Variants in PIEZO2 observed in about 807,000 individuals in gnomAD.
PIEZO2 encodes the protein piezo type mechanosensitive ion channel component 2.
In PIEZO2, 172 loss-of-function variants were observed where a neutral mutation model predicts 337.3. The ratio of observed to expected loss-of-function variants is 0.51; its 90% CI spans 0.45 to 0.58. The LOEUF is 0.58. Among genes scored for constraint, PIEZO2 ranks in the 20% least tolerant of loss-of-function variants. The probability of loss-of-function intolerance (pLI) is 0.00; values close to 1 mark genes in which losing one functional copy is unlikely to be tolerated. For synonymous variants in PIEZO2, 1,251 were observed against 1,228.5 expected (o/e 1.02, Z -0.38); for missense variants, 3,028 against 3,391.3 (o/e 0.89, Z 2.66).
At chr18:10,919,028 C>T (rs1459170981) in intron 3 of PIEZO2, among the ~76,000 whole-genome samples, 6 of 151,914 alleles carry the variant, frequency 3.9e-5, no homozygotes, top group African/African-American at 1.2e-4. Flanking sequence ...CAAATTTATT[C>T]AAATATATGT....
In PIEZO2 at chr18:10,872,747, T is replaced by C. The variant is rs535464792; in HGVS notation, c.330-1332A>G. On this transcript the variant is annotated intron_variant, in intron 4 of 55. Coordinates refer to ENST00000674853, the MANE Select transcript of PIEZO2 (RefSeq NM_001378183.1). This position sits in a 1 kb window ranked among gnomAD's most constrained non-coding sequence, Gnocchi z 4.3. Reference sequence around the variant, plus strand: ...GAGCGATTCCCGGCATGTTCTCTGCTCACTCATATAATATAAAATAAGCTG... The same window carrying C: ...GAGCGATTCCCGGCATGTTCTCTGCCCACTCATATAATATAAAATAAGCTG... Among the ~76,000 whole-genome samples the C allele has an allele frequency of 2.8e-4, 43 of 152,312 alleles. No homozygotes were observed. The highest frequency in any genetic ancestry group is 1.0e-3 in the African/African-American group (43 of 41,578).
chr18:10,836,974 AAGGGCCACTG>A (rs2041034895), intron 7 of PIEZO2, among the ~76,000 whole-genome samples: 1 of 152,204 alleles, frequency 6.6e-6, no homozygotes, highest in African/African-American at 2.4e-5. Flanking sequence ...AAGGAAGGGG[AAGGGCCACTG>A]AGGATACTCA....
At chr18:10,825,771 G>A (rs186328978) in intron 7 of PIEZO2, among the ~76,000 whole-genome samples, 5 of 151,684 alleles carry the variant, frequency 3.3e-5, no homozygotes, top group African/African-American at 4.8e-5. Flanking sequence ...GGCTAGTCTC[G>A]AACTCCCGAC....
intron 3 of PIEZO2, among the ~76,000 whole-genome samples, chr18:10,916,333 CA>C (rs923371999): frequency 4.6e-5 from 7 of 152,142 alleles, no homozygotes; most frequent in African/African-American, 1.7e-4. Context: ...AGCCGCCTAG[CA>C]GGGGGCGGCG....
rs1340184958 is a variant in PIEZO2, at chr18:11,094,339, A to G, written c.65-28117T>C. On this transcript the variant is annotated intron_variant, in intron 1 of 55. Coordinates refer to ENST00000674853, the MANE Select transcript of PIEZO2 (RefSeq NM_001378183.1). The surrounding 1 kb of genome is among the most constrained non-coding windows in gnomAD (Gnocchi z 4.4). ...AAGCTGAGGCGAAGTGATTTTCTCA[A>G]TGTCACACAGAGAAAAAGTAGTTTC... is the stretch of plus-strand genomic sequence containing the variant. Among the ~76,000 whole-genome samples the G allele has an allele frequency of 2.0e-5, 3 of 152,176 alleles. No individual in the cohort carries two copies. Among genetic ancestry groups the G allele is most frequent in the African/African-American group, 2.4e-5 (1 of 41,434 alleles).
Position 11,104,800 on chromosome 18 carries a change from C to T in PIEZO2, c.65-38578G>A, listed in dbSNP as rs1393872916. ...ATGCAGTATAACGGCGCCTGCTTCTCTTGGGGACCACTCTCCTCCATCATG... is the reference window on the plus strand; with the variant it reads ...ATGCAGTATAACGGCGCCTGCTTCTTTTGGGGACCACTCTCCTCCATCATG... On this transcript the variant is annotated intron_variant, in intron 1 of 55. Transcript: ENST00000674853. The surrounding 1 kb of genome is among the most constrained non-coding windows in gnomAD (Gnocchi z 4.6). Among the ~76,000 whole-genome samples the T allele has an allele frequency of 6.6e-6, 1 of 152,186 alleles. No homozygotes were observed. The highest frequency in any genetic ancestry group is 6.5e-5 in the Admixed American group (1 of 15,286).
chr18:10,933,704 A>G (rs1244642018), intron 3 of PIEZO2, among the ~76,000 whole-genome samples: 1 of 152,222 alleles, frequency 6.6e-6, no homozygotes, highest in African/African-American at 2.4e-5. Flanking sequence ...GGGCGGTGAC[A>G]TGATTTGGCT....
chr18:11,089,015 A>G (rs1056030741), intron 1 of PIEZO2, among the ~76,000 whole-genome samples: 1 of 152,218 alleles, frequency 6.6e-6, no homozygotes, highest in Non-Finnish European at 1.5e-5. Flanking sequence ...TGTACTGTTT[A>G]TCTATCAGTA....
At position 11,066,576 on chromosome 18, in the gene PIEZO2, G is replaced by T. The variant is rs139158527; in HGVS notation, c.65-354C>A. Among the ~76,000 whole-genome samples, 5 of 152,164 alleles carry T rather than the reference G, an allele frequency of 3.3e-5. No individual in the cohort carries two copies. In the East Asian group the frequency reaches 5.8e-4, roughly 18 times the overall value. ...GACACCAAACACATAAAATGTTATT[G>T]GGGGTGGACTATAAAAGTGCAGACT... is the stretch of plus-strand genomic sequence containing the variant. On this transcript the variant is annotated intron_variant, in intron 1 of 55. Transcript: ENST00000674853.
rs78669124 is a variant in PIEZO2 at position 10,735,009 on chromosome 18, T to C, written c.4914+223A>G. 8.2e-3 allele frequency among the ~76,000 whole-genome samples: 1,252 copies of C among 152,336 alleles called. 10 individuals carry two copies. Among genetic ancestry groups the C allele is most frequent in the South Asian group, 0.013 (62 of 4,824 alleles). On this transcript the variant is annotated intron_variant, in intron 35 of 55. Transcript: ENST00000674853. ...TGCATTTTCTCTTTCTATTTTTCGA[T>C]AGTTACTGGTGTCCACTTAAGAGCA... is the stretch of plus-strand genomic sequence containing the variant.
intron 7 of PIEZO2, among the ~76,000 whole-genome samples, chr18:10,840,248 AT>A (rs1200993225): frequency 6.6e-6 from 1 of 152,228 alleles, no homozygotes; most frequent in African/African-American, 2.4e-5. Context: ...AATTTGTTCT[AT>A]AAGAATTTTT....
chr18:10,847,393 G>A lies in PIEZO2; in HGVS notation c.917+7960C>T, dbSNP rs941818848. Among the ~76,000 whole-genome samples, 4 of 152,226 alleles carry A rather than the reference G, an allele frequency of 2.6e-5. No homozygotes were observed. Among genetic ancestry groups the A allele is most frequent in the Non-Finnish European group, 5.9e-5 (4 of 68,042 alleles). On this transcript the variant is annotated intron_variant, in intron 7 of 55. Coordinates refer to ENST00000674853, the MANE Select transcript of PIEZO2 (RefSeq NM_001378183.1). The surrounding 1 kb of genome is among the most constrained non-coding windows in gnomAD (Gnocchi z 5.7). Reference sequence around the variant, plus strand: ...GAGATGCCCTTGGTGGGCAAAAGGAGAGAAATCTGGCCCAGAACACTTAAT... The same window carrying A: ...GAGATGCCCTTGGTGGGCAAAAGGAAAGAAATCTGGCCCAGAACACTTAAT...
rs1363279559 is a variant in PIEZO2, at chr18:11,116,780, T to C, written c.64+31745A>G. ...CTGAATGTTACTCCATCTAACTGTA[T>C]AGCACAGTAGGGTGACTATAGTTAA... On this transcript the variant is annotated intron_variant, in intron 1 of 55. Transcript: ENST00000674853. The surrounding 1 kb of genome is among the most constrained non-coding windows in gnomAD (Gnocchi z 5.0). Among the ~76,000 whole-genome samples the C allele has an allele frequency of 6.6e-6, 1 of 151,462 alleles. No individual in the cohort carries two copies. The highest frequency in any genetic ancestry group is 1.5e-5 in the Non-Finnish European group (1 of 67,914).
chr18:10,984,130 TA>T (rs1265406634), intron 2 of PIEZO2, among the ~76,000 whole-genome samples: 1 of 151,872 alleles, frequency 6.6e-6, no homozygotes, highest in Non-Finnish European at 1.5e-5. Flanking sequence ...GACATCTTTT[TA>T]AAAATTCAAG....
intron 1 of PIEZO2, among the ~76,000 whole-genome samples, chr18:11,130,182 C>G (rs374876692): frequency 1.2e-4 from 19 of 152,264 alleles, no homozygotes; most frequent in East Asian, 3.8e-4. Context: ...CAGTTCAACT[C>G]TCCCATTCGG....
In PIEZO2 at chr18:10,673,003, G is replaced by C; in HGVS notation, c.8162-130C>G. The C allele has an allele frequency of 1.4e-6, 1 of 724,262 alleles. No homozygotes were observed. The highest frequency in any genetic ancestry group is 2.2e-6 in the Non-Finnish European group (1 of 448,388). 44.9% of individuals were successfully genotyped at this position (724,262 alleles called of 1,614,324 possible). A position where few individuals can be genotyped will look rare whatever the true frequency, so the allele number is the denominator to read the frequency against. On this transcript the variant is annotated intron_variant, in intron 54 of 55. Transcript: ENST00000674853. The surrounding 1 kb of genome is among the most constrained non-coding windows in gnomAD (Gnocchi z 4.8). ...GGTTCTAGGATGAAAAGGATGCATG[G>C]ACATACTAGAAGCGTGAATGGGCAA... is the stretch of plus-strand genomic sequence containing the variant.
At chr18:11,055,128 G>C in intron 2 of PIEZO2, among the ~76,000 whole-genome samples, 1 of 147,996 alleles carries the variant, frequency 6.8e-6, no homozygotes, top group South Asian at 2.1e-4. Flanking sequence ...GGAGAATGGC[G>C]TGAACCCGGG....
intron 52 of PIEZO2, 127 bp downstream of exon 52, chr18:10,680,072 T>TA: frequency 1.3e-6 from 1 of 762,252 alleles, no homozygotes; most frequent in Non-Finnish European, 2.0e-6. Flanking sequence ...CCCAAGGCTA[T>TA]AATGATAAAG....
rs1325018053 is a variant in PIEZO2, at chr18:11,021,967, G to T, written c.161-42307C>A. On this transcript the variant is annotated intron_variant, in intron 2 of 55. Coordinates refer to ENST00000674853, the MANE Select transcript of PIEZO2 (RefSeq NM_001378183.1). This position sits in a 1 kb window ranked among gnomAD's most constrained non-coding sequence, Gnocchi z 4.7. Reference sequence around the variant, plus strand: ...GAGTCACCACGTGTGAAGGGGATTTGCAGGGGGGTCTCTCAAGAACAAACC... The same window carrying T: ...GAGTCACCACGTGTGAAGGGGATTTTCAGGGGGGTCTCTCAAGAACAAACC... 1.3e-5 allele frequency among the ~76,000 whole-genome samples: 2 copies of T among 152,184 alleles called. No homozygotes were observed. Among genetic ancestry groups the T allele is most frequent in the Non-Finnish European group, 2.9e-5 (2 of 68,016 alleles).
Sources: allele counts gnomAD v4.1 joint callset (sites outside exome capture counted in the v4.1 genomes callset), GRCh38; gene constraint gnomAD v4.1.1; non-coding constraint Gnocchi (gnomAD v3.1); transcripts MANE v1.5; gene names NCBI Gene and HGNC (gene_info 2026-07-23, HGNC 2026-07-21).